The following ST3GAL4 variants were observed in gnomAD, a reference collection of about 807,000 sequenced individuals.
The protein encoded by ST3GAL4 is CMP-N-acetylneuraminate-beta-galactosamide-alpha-2,3-sialyltransferase 4.
ST3GAL4 carries 24 observed loss-of-function variants against 42.6 expected under a neutral mutation model. The observed-to-expected ratio is 0.56, with a 90% confidence interval of 0.41 to 0.79. The LOEUF is 0.79. Ranked by LOEUF, ST3GAL4 falls within the 30% of genes least tolerant of loss-of-function variation. ST3GAL4 has a pLI of 0.00. For synonymous variants in ST3GAL4, 135 were observed against 163.2 expected (o/e 0.83, Z 1.32); for missense variants, 311 against 430.8 (o/e 0.72, Z 2.46).
Position 126,391,054 on chromosome 11 carries a change from G to A in ST3GAL4, c.-60-15042G>A, listed in dbSNP as rs192778555. On this transcript the variant is annotated intron_variant, in intron 1 of 10. Transcript: ENST00000444328. The surrounding 1 kb of genome is among the most constrained non-coding windows in gnomAD (Gnocchi z 5.5). ...GGCTGAATAATATTCCATTGTATGC[G>A]TAGACCACATTTTGTGGATCCGTTC... 1.7e-3 allele frequency among the ~76,000 whole-genome samples: 254 copies of A among 152,244 alleles called. 1 individual carries two copies. The highest frequency in any genetic ancestry group is 5.5e-3 in the African/African-American group (227 of 41,548).
In ST3GAL4 at chr11:126,366,270, G is replaced by A. The variant is rs1405367415; in HGVS notation, c.-61+10428G>A. ...CTGCTGTAGCTGAGCCCGGCCCACG[G>A]CCAGCCCTGAGGAATGGAGGAAGAG... On this transcript the variant is annotated intron_variant, in intron 1 of 10. Transcript: ENST00000444328. This position sits in a 1 kb window ranked among gnomAD's most constrained non-coding sequence, Gnocchi z 4.2. Among the ~76,000 whole-genome samples the A allele has an allele frequency of 6.6e-6, 1 of 152,154 alleles. No homozygotes were observed. Among genetic ancestry groups the A allele is most frequent in the African/African-American group, 2.4e-5 (1 of 41,442 alleles).
chr11:126,396,778 C>T lies in ST3GAL4; in HGVS notation c.-60-9318C>T, dbSNP rs930696540. 2.7e-5 allele frequency among the ~76,000 whole-genome samples: 4 copies of T among 150,714 alleles called. No individual in the cohort carries two copies. Among genetic ancestry groups the T allele is most frequent in the Admixed American group, 6.6e-5 (1 of 15,040 alleles). On this transcript the variant is annotated intron_variant, in intron 1 of 10. Transcript: ENST00000444328. This position sits in a 1 kb window ranked among gnomAD's most constrained non-coding sequence, Gnocchi z 5.8. ...ATTCCAGTGCCAGCTCCACTCCTCA[C>T]GAGCTGTACAACCTGGGCCGGTTAC... is the stretch of plus-strand genomic sequence containing the variant.
In ST3GAL4 at chr11:126,359,321, G is replaced by C. The variant is rs964622628; in HGVS notation, c.-61+3479G>C. 6.6e-6 allele frequency among the ~76,000 whole-genome samples: 1 copy of C among 151,764 alleles called. No homozygotes were observed. Among genetic ancestry groups the C allele is most frequent in the Non-Finnish European group, 1.5e-5 (1 of 67,960 alleles). ...TTAAAAAAAAAAAAAAGATGTGCTA[G>C]ACACTTTACGTCCCTTCATGTGAGC... On this transcript the variant is annotated intron_variant, in intron 1 of 10. Transcript: ENST00000444328. This position sits in a 1 kb window ranked among gnomAD's most constrained non-coding sequence, Gnocchi z 4.8.
chr11:126,387,276 ATGGT>A (rs1953262018), intron 1 of ST3GAL4, among the ~76,000 whole-genome samples: 1 of 152,224 alleles, frequency 6.6e-6, no homozygotes, highest in Non-Finnish European at 1.5e-5. Flanking sequence ...CACACAAGTG[ATGGT>A]TGGTCCAGAA....
intron 1 of ST3GAL4, among the ~76,000 whole-genome samples, chr11:126,360,871 T>G (rs1488080825): frequency 6.6e-6 from 1 of 152,256 alleles, no homozygotes; most frequent in African/African-American, 2.4e-5. Flanking sequence ...TTACTTTGCT[T>G]CCTCCTCCCA....
intron 1 of ST3GAL4, among the ~76,000 whole-genome samples, chr11:126,402,091 A>AGTGGG (rs146212978): frequency 2.3e-4 from 30 of 131,734 alleles, no homozygotes; most frequent in East Asian, 6.3e-4. Context: ...ATTTGGGGGA[A>AGTGGG]AGAGGGGAGG....
intron 9 of ST3GAL4, among the ~76,000 whole-genome samples, chr11:126,413,023 T>A (rs1372499671): frequency 6.6e-6 from 1 of 152,164 alleles, no homozygotes; most frequent in Non-Finnish European, 1.5e-5. Context: ...GCCCCAGGCC[T>A]CCCCCAGATG....
chr11:126,412,487 A>G (rs993587087), intron 9 of ST3GAL4, among the ~76,000 whole-genome samples: 16 of 152,234 alleles, frequency 1.1e-4, no homozygotes, highest in African/African-American at 3.9e-4. Flanking sequence ...TGAATTAGGC[A>G]TGAGCAACTG....
intron 1 of ST3GAL4, among the ~76,000 whole-genome samples, chr11:126,371,690 A>G (rs549787687): frequency 1.3e-5 from 2 of 152,296 alleles, no homozygotes; most frequent in Non-Finnish European, 1.5e-5. Flanking sequence ...TCTCCTGACG[A>G]TAGTTAAGTT....
At chr11:126,368,890 T>A (rs986586479) in intron 1 of ST3GAL4, among the ~76,000 whole-genome samples, 3 of 152,162 alleles carry the variant, frequency 2.0e-5, no homozygotes, top group African/African-American at 7.2e-5. Context: ...CTACAGCACT[T>A]TCCTGTAAAT....
chr11:126,357,485 G>C (rs1220787446), intron 1 of ST3GAL4, among the ~76,000 whole-genome samples: 1 of 152,162 alleles, frequency 6.6e-6, no homozygotes, highest in African/African-American at 2.4e-5. Flanking sequence ...TCTGTGAGCT[G>C]GCGGCCCAGG....
At chr11:126,368,290 G>C (rs1235243573) in intron 1 of ST3GAL4, among the ~76,000 whole-genome samples, 4 of 152,156 alleles carry the variant, frequency 2.6e-5, no homozygotes, top group Non-Finnish European at 4.4e-5. Context: ...CTGACATCAG[G>C]AGTCAGTGAC....
At chr11:126,408,235 G>C in intron 7 of ST3GAL4, 41 bp downstream of exon 7, 1 of 1,613,120 alleles carries the variant, frequency 6.2e-7, no homozygotes, top group Middle Eastern at 1.7e-4. Flanking sequence ...TTGGGAACTG[G>C]ATGTCCGAGC....
chr11:126,396,816 C>T lies in ST3GAL4; in HGVS notation c.-60-9280C>T, dbSNP rs192717292. Among the ~76,000 whole-genome samples, 693 of 151,858 alleles carry T rather than the reference C, an allele frequency of 4.6e-3. 9 individuals carry two copies. Among genetic ancestry groups the T allele is most frequent in the Admixed American group, 7.5e-3 (115 of 15,250 alleles). On this transcript the variant is annotated intron_variant, in intron 1 of 10. Coordinates refer to ENST00000444328, the MANE Select transcript of ST3GAL4 (RefSeq NM_001254757.2). This position sits in a 1 kb window ranked among gnomAD's most constrained non-coding sequence, Gnocchi z 5.8. ...CTGGGCCGGTTACTGACCCCTTTCCCACCTTAGTTCCCTGGCTCTACAATG... is the reference window on the plus strand; with the variant it reads ...CTGGGCCGGTTACTGACCCCTTTCCTACCTTAGTTCCCTGGCTCTACAATG...
intron 6 of ST3GAL4, 144 bp downstream of exon 6, chr11:126,407,778 G>T: frequency 1.0e-6 from 1 of 957,128 alleles, no homozygotes; most frequent in Non-Finnish European, 1.6e-6. Flanking sequence ...GCCTAGCCTG[G>T]GCATCTGGGT....
intron 1 of ST3GAL4, among the ~76,000 whole-genome samples, chr11:126,365,749 G>A (rs1952400200): frequency 6.6e-6 from 1 of 152,228 alleles, no homozygotes. Flanking sequence ...CAGGTTCCTG[G>A]ATTTGGGTGC....
rs115063051 is a variant in ST3GAL4 at position 126,402,177 on chromosome 11, C to G, written c.-60-3919C>G. 9.5e-3 allele frequency among the ~76,000 whole-genome samples: 1,439 copies of G among 151,598 alleles called. 23 individuals are homozygous for G. The highest frequency in any genetic ancestry group is 0.033 in the African/African-American group (1,379 of 41,290). The stretch of plus-strand genomic sequence containing the variant: ...CTACAGAACTGAGGACAGTGATGGC[C>G]GAGCGTGGTGGCTCATGCCTGCAAT... On this transcript the variant is annotated intron_variant, in intron 1 of 10. Transcript: ENST00000444328.
At position 126,406,128 on chromosome 11, in the gene ST3GAL4, C is replaced by A; in HGVS notation, c.-28C>A. The stretch of plus-strand genomic sequence containing the variant: ...GAGGCAGCCGGGATGACAGCTCTCC[C>A]CAGGAATCCTGCTGCCTGCTGAGAA... On this transcript the variant is annotated 5_prime_UTR_variant, in exon 2 of 11. Coordinates refer to ENST00000444328, the MANE Select transcript of ST3GAL4 (RefSeq NM_001254757.2). The surrounding 1 kb of genome is among the most constrained non-coding windows in gnomAD (Gnocchi z 5.4). 6.4e-7 allele frequency: 1 copy of A among 1,552,522 alleles called. No individual in the cohort carries two copies. Among genetic ancestry groups the A allele is most frequent in the Non-Finnish European group, 8.7e-7 (1 of 1,147,456 alleles).
intron 10 of ST3GAL4, 47 bp downstream of exon 10, chr11:126,413,695 A>C (rs1363860702): frequency 8.1e-6 from 13 of 1,607,162 alleles, no homozygotes; most frequent in Non-Finnish European, 1.1e-5. Context: ...GTGGACGGGC[A>C]GACAGTCAGA....
Sources: gnomAD v4.1 joint callset for allele counts (sites outside exome capture counted in the v4.1 genomes callset) on GRCh38, gnomAD v4.1.1 for gene constraint, Gnocchi (gnomAD v3.1) non-coding constraint, MANE v1.5 for transcripts, NCBI Gene and HGNC (gene_info 2026-07-23, HGNC 2026-07-21) for gene names.